SLC9D1: variants seen among roughly 807,000 people sequenced by gnomAD.
SLC9D1 encodes solute carrier family 9 member D1, also known as putative LAG1-interacting protein.
At chr13:113,504,808 A>T in the SLC9D1 span, 1 of 152,068 alleles carries the variant, frequency 6.6e-6, no homozygotes, top group Non-Finnish European at 1.5e-5. Context: ...TTTTTCGTAT[A>T]ATGACTTATT....
the SLC9D1 span, among the ~76,000 whole-genome samples, chr13:113,548,752 C>T: frequency 2.7e-4 from 41 of 152,348 alleles, no homozygotes; most frequent in Admixed American, 1.2e-3. Context: ...CCAGTGTGCA[C>T]ATAAGTAGCA....
chr13:113,513,272 G>T, the SLC9D1 span, among the ~76,000 whole-genome samples: 1 of 152,108 alleles, frequency 6.6e-6, no homozygotes, highest in African/African-American at 2.4e-5. Flanking sequence ...AAGAGTAGGG[G>T]GTAAAATGCA....
chr13:113,536,580 G>A, the SLC9D1 span: 3 of 985,130 alleles, frequency 3.0e-6, no homozygotes, highest in Non-Finnish European at 3.6e-6. Context: ...CAACTTCCGT[G>A]TTGCCCTCCC....
At chr13:113,532,614 G>A in the SLC9D1 span, among the ~76,000 whole-genome samples, 1 of 152,160 alleles carries the variant, frequency 6.6e-6, no homozygotes, top group Non-Finnish European at 1.5e-5. Flanking sequence ...CTGGGCCCAG[G>A]GCCAGACGTG....
the SLC9D1 span, among the ~76,000 whole-genome samples, chr13:113,513,997 C>T: frequency 5.9e-5 from 9 of 151,984 alleles, no homozygotes; most frequent in Non-Finnish European, 1.3e-4. Flanking sequence ...CTGGGGAGAT[C>T]GACTTACCAG....
At chr13:113,534,225 C>T in the SLC9D1 span, 1 of 1,612,942 alleles carries the variant, frequency 6.2e-7, no homozygotes, top group Non-Finnish European at 8.5e-7. Context: ...CTGCCTTTAT[C>T]TTCTTAATGT....
chr13:113,510,295 G>T, the SLC9D1 span: 1 of 1,614,198 alleles, frequency 6.2e-7, no homozygotes, highest in Non-Finnish European at 8.5e-7. Context: ...GATTGCATTT[G>T]GCTTGCTGTG....
At chr13:113,522,287 C>T in the SLC9D1 span, among the ~76,000 whole-genome samples, 4 of 152,190 alleles carry the variant, frequency 2.6e-5, no homozygotes, top group African/African-American at 9.6e-5. Flanking sequence ...TGGATTCTGT[C>T]GATTGCTTTT....
At chr13:113,517,296 A>G in the SLC9D1 span, among the ~76,000 whole-genome samples, 2 of 152,250 alleles carry the variant, frequency 1.3e-5, no homozygotes, top group African/African-American at 2.4e-5. Context: ...GCAACGGCAC[A>G]ATTTCAGCTC....
the SLC9D1 span, among the ~76,000 whole-genome samples, chr13:113,526,828 C>T: frequency 6.6e-6 from 1 of 152,270 alleles, no homozygotes; most frequent in East Asian, 1.9e-4. Flanking sequence ...CTCAGAGCAA[C>T]CTCCAGTCCT....
At chr13:113,501,811 A>G in the SLC9D1 span, 2 of 1,608,748 alleles carry the variant, frequency 1.2e-6, no homozygotes, top group African/African-American at 2.7e-5. Flanking sequence ...CAGCCATAGG[A>G]TTGCCTACAA....
the SLC9D1 span, among the ~76,000 whole-genome samples, chr13:113,519,326 G>C: frequency 2.0e-5 from 3 of 150,386 alleles, no homozygotes; most frequent in Non-Finnish European, 2.9e-5. Flanking sequence ...GATTACAGGC[G>C]TGAGCCACCG....
the SLC9D1 span, among the ~76,000 whole-genome samples, chr13:113,548,617 G>A: frequency 6.6e-6 from 1 of 152,270 alleles, no homozygotes; most frequent in Non-Finnish European, 1.5e-5. Flanking sequence ...CATCCAGCAT[G>A]TGGCGTTTTC....
chr13:113,539,779 G>A, the SLC9D1 span, among the ~76,000 whole-genome samples: 1 of 152,100 alleles, frequency 6.6e-6, no homozygotes, highest in Admixed American at 6.6e-5. The surrounding 1 kb of genome is among the most constrained non-coding windows in gnomAD (Gnocchi z 4.8). Context: ...CGGGTAGTGA[G>A]TGTCACAGGG....
At chr13:113,498,534 G>C in the SLC9D1 span, 2 of 1,562,372 alleles carry the variant, frequency 1.3e-6, no homozygotes, top group Admixed American at 2.2e-5. Flanking sequence ...AAGCGTTCCA[G>C]AACAGCTGCT....
the SLC9D1 span, chr13:113,503,428 TGTTGA>T: frequency 4.5e-4 from 542 of 1,207,570 alleles, 1 homozygote; most frequent in African/African-American, 4.7e-3. Context: ...AGGGCATGAT[TGTTGA>T]GTTAAGTATA....
the SLC9D1 span, among the ~76,000 whole-genome samples, chr13:113,492,803 C>G: frequency 6.6e-6 from 1 of 152,072 alleles, no homozygotes; most frequent in African/African-American, 2.4e-5. Context: ...GAGGCTGAGG[C>G]AGGAGAATTG....
At chr13:113,519,689 T>C in the SLC9D1 span, among the ~76,000 whole-genome samples, 1 of 151,346 alleles carries the variant, frequency 6.6e-6, no homozygotes, top group Non-Finnish European at 1.5e-5. Flanking sequence ...CAAGTCTGTG[T>C]TGGTCACACA....
the SLC9D1 span, among the ~76,000 whole-genome samples, chr13:113,526,176 T>A: frequency 6.6e-6 from 1 of 152,148 alleles, no homozygotes. Context: ...CCTGTGCGGG[T>A]TTAGGCTAAT....
Sources: allele counts gnomAD v4.1 joint callset (sites outside exome capture counted in the v4.1 genomes callset), GRCh38; gene constraint gnomAD v4.1.1; non-coding constraint Gnocchi (gnomAD v3.1); transcripts MANE v1.5; gene names NCBI Gene and HGNC (gene_info 2026-07-23, HGNC 2026-07-21).